Variants in LRRK1 observed in about 807,000 individuals in gnomAD.
LRRK1 encodes leucine rich repeat kinase 1.
A neutral mutation model predicts 209.1 loss-of-function variants in LRRK1; 113 were observed. The observed-to-expected ratio is 0.54, with a 90% CI of 0.46 to 0.63. The LOEUF (loss-of-function observed/expected upper bound fraction) is 0.63. Ranked by LOEUF, LRRK1 falls within the 30% of genes least tolerant of loss-of-function variation. The pLI is 0.00. For missense variants in LRRK1, 2,284 were observed against 2,632.2 expected, an observed-to-expected ratio of 0.87 and a Z score of 2.89; for synonymous variants, 1,144 against 1,099.7, an observed-to-expected ratio of 1.04 and a Z score of -0.80.
At position 101,065,384 on chromosome 15, in the gene LRRK1, T is replaced by C. The variant is rs1197586575; in HGVS notation, c.4947T>C (p.Asp1649=). ...ACCTGGTCTTAGCGGGCCTCGCCGA[T>C]GGGCTTGTGGCTGTGTTTCCCGTGG... is the stretch of plus-strand genomic sequence containing the variant. ...NSYLVLAGLA[D]GLVAVFPVVR... Residue 1649 remains aspartate, a synonymous_variant, in exon 32 of 34, where the codon GAT becomes GAC. Coordinates refer to ENST00000388948, the MANE Select transcript of LRRK1 (RefSeq NM_024652.6). 1 of 1,614,074 alleles carries C rather than the reference T, an allele frequency of 6.2e-7. No individual in the cohort carries two copies. The highest frequency in any genetic ancestry group is 8.5e-7 in the Non-Finnish European group (1 of 1,180,012).
intron 2 of LRRK1, among the ~76,000 whole-genome samples, chr15:100,956,455 C>CTTTTTTTTTTTTTTTT (rs776326423): frequency 3.3e-5 from 2 of 60,528 alleles, no homozygotes; most frequent in African/African-American, 1.7e-4. Context: ...TTTTTTTTTT[C>CTTTTTTTTTTTTTTTT]TTTTTTTTTT....
At chr15:100,984,174 C>G (rs754822418) in intron 4 of LRRK1, among the ~76,000 whole-genome samples, 1 of 152,086 alleles carries the variant, frequency 6.6e-6, no homozygotes, top group South Asian at 2.1e-4. Context: ...TGCTATATTT[C>G]AGAACCATGG....
At chr15:101,000,838 G>A (rs559039029) in intron 6 of LRRK1, among the ~76,000 whole-genome samples, 5 of 152,308 alleles carry the variant, frequency 3.3e-5, no homozygotes, top group East Asian at 1.9e-4. Context: ...AGTACGGGGC[G>A]TTAGGACTTC....
chr15:100,968,809 C>CCCCTT (rs1437458979), intron 2 of LRRK1, among the ~76,000 whole-genome samples: 1 of 144,072 alleles, frequency 6.9e-6, no homozygotes, highest in South Asian at 2.4e-4. Context: ...CCTTCCCCTT[C>CCCCTT]CCCTTCCCTT....
At chr15:101,014,030 T>C (rs1223244093) in intron 10 of LRRK1, among the ~76,000 whole-genome samples, 1 of 152,084 alleles carries the variant, frequency 6.6e-6, no homozygotes, top group Non-Finnish European at 1.5e-5. Context: ...CTCTTAAGAA[T>C]CCTTAATGCT....
rs188589267 is a variant in LRRK1, at chr15:100,966,900, C to T, written c.98-6904C>T. 2.6e-5 allele frequency among the ~76,000 whole-genome samples: 4 copies of T among 152,314 alleles called. No individual in the cohort carries two copies. The East Asian group carries it at 7.7e-4, about 29-fold the overall frequency. On this transcript the variant is annotated intron_variant, in intron 2 of 33. Coordinates refer to ENST00000388948, the MANE Select transcript of LRRK1 (RefSeq NM_024652.6). ...ATGGGCACCTTATGGCCTACATATG[C>T]CCTAAGTTCCACCTTCAAAATGTCC...
Position 101,052,077 on chromosome 15 carries a change from A to G in LRRK1, c.3689+117A>G, listed in dbSNP as rs1284721967. On this transcript the variant is annotated intron_variant, in intron 24 of 33. Transcript: ENST00000388948. ...TCTGGGGCGGGCAGGTGCCCCGGCC[A>G]TGGCTTCCCACCAATCTCAGTACCT... The G allele has an allele frequency of 5.1e-6, 6 of 1,187,218 alleles. No homozygotes were observed. In the African/African-American group the frequency reaches 7.7e-5, roughly 15 times the overall value. The allele number at this position is 1,187,218 out of a possible 1,614,324, so 73.5% of individuals were successfully genotyped here.
intron 2 of LRRK1, among the ~76,000 whole-genome samples, chr15:100,965,465 C>T (rs1000702035): frequency 6.6e-6 from 1 of 152,150 alleles, no homozygotes; most frequent in African/African-American, 2.4e-5. Context: ...CATCCATGGC[C>T]GGCACATTGA....
In LRRK1 at chr15:101,053,379, C is replaced by G. The variant is rs200335851; in HGVS notation, c.4013C>G (p.Pro1338Arg). The G allele has an allele frequency of 6.2e-7, 1 of 1,600,182 alleles. No individual in the cohort carries two copies. Among genetic ancestry groups the G allele is most frequent in the Non-Finnish European group, 8.5e-7 (1 of 1,179,608 alleles). The change falls in exon 26 of 34, where the codon CCG becomes CGG. Residue 1338 changes from proline to arginine, a missense_variant. By Grantham distance (103) the Pro-to-Arg change is moderately radical. Transcript: ENST00000388948. ...HPLCFALELA[P>R]LSSLNTVLSE... is the part of the protein sequence containing the mutation. ...CTCTGCTTCGCCCTGGAGCTCGCGC[C>G]GCTCAGCAGCCTCAACACCGTGCTG...
At chr15:100,979,010 C>G (rs1303330444) in intron 3 of LRRK1, among the ~76,000 whole-genome samples, 1 of 152,266 alleles carries the variant, frequency 6.6e-6, no homozygotes, top group East Asian at 1.9e-4. Context: ...TTAGCAAGTA[C>G]AATTCTGCTA....
intron 1 of LRRK1, among the ~76,000 whole-genome samples, chr15:100,923,336 A>T (rs1455429932): frequency 6.6e-6 from 1 of 152,190 alleles, no homozygotes; most frequent in East Asian, 1.9e-4. Flanking sequence ...TTTAACGTCC[A>T]CGCTATGCTT....
At chr15:100,965,752 G>A (rs763629019) in intron 2 of LRRK1, among the ~76,000 whole-genome samples, 43 of 151,488 alleles carry the variant, frequency 2.8e-4, no homozygotes, top group Non-Finnish European at 4.0e-4. Flanking sequence ...CCTTTACTTC[G>A]TTAAATACTT....
At chr15:100,930,653 AAG>A (rs1596157880) in intron 2 of LRRK1, among the ~76,000 whole-genome samples, 1 of 152,316 alleles carries the variant, frequency 6.6e-6, no homozygotes, top group East Asian at 1.9e-4. Flanking sequence ...TTCAGCCACC[AAG>A]AGAGAAGATT....
chr15:101,049,823 A>G (rs1177714195), intron 23 of LRRK1, 40 bp downstream of exon 23: 1 of 1,589,806 alleles, frequency 6.3e-7, no homozygotes, highest in South Asian at 1.1e-5. Flanking sequence ...ATTCATGCTA[A>G]TATTTCTTAT....
chr15:101,018,681 G>C (rs915783822), intron 12 of LRRK1, among the ~76,000 whole-genome samples: 16 of 152,332 alleles, frequency 1.1e-4, no homozygotes, highest in African/African-American at 3.6e-4. Flanking sequence ...ACAGCTGGCA[G>C]CCCGCAGAAG....
At position 100,989,302 on chromosome 15, in the gene LRRK1, C is replaced by A; in HGVS notation, c.666C>A (p.Ser222=). The change falls in exon 6 of 34, where the codon TCC becomes TCA. Residue 222 remains serine, a synonymous_variant. Transcript: ENST00000388948. ...TTCGGCATGGGGCCTATTTCTGTTC[C>A]TACATCTTGCTGGATAGTCCTGACC... ...FLLRHGAYFC[S]YILLDSPDPS... The A allele has an allele frequency of 6.2e-7, 1 of 1,614,076 alleles. No homozygotes were observed. Among genetic ancestry groups the A allele is most frequent in the Non-Finnish European group, 8.5e-7 (1 of 1,179,930 alleles).
In LRRK1 at chr15:101,010,496, C is replaced by T. The variant is rs1448546235; in HGVS notation, c.1036C>T (p.Pro346Ser). The T allele has an allele frequency of 1.9e-6, 3 of 1,612,506 alleles. No homozygotes were observed. Among genetic ancestry groups the T allele is most frequent in the Non-Finnish European group, 2.5e-6 (3 of 1,179,628 alleles). ...ISSNKLSHLP[P>S]GFLHLSKLQK... The stretch of plus-strand genomic sequence containing the variant: ...CAGCAACAAGTTGTCCCACCTCCCT[C>T]CTGGATTCTTGCACCTCTCAAAACT... Residue 346 changes from proline to serine, a missense_variant, in exon 8 of 34, where the codon CCT becomes TCT. By Grantham distance (74) the Pro-to-Ser change is moderately conservative. Transcript: ENST00000388948.
rs149947752 is a variant in LRRK1, at chr15:101,074,441, T to C, written c.*5593T>C. 439 of 152,274 alleles carry C rather than the reference T, an allele frequency of 2.9e-3. 1 individual carries two copies. Among genetic ancestry groups the C allele is most frequent in the African/African-American group, 8.8e-3 (366 of 41,542 alleles). The allele number at this position is 152,274 out of a possible 1,614,324, so 9.4% of individuals were successfully genotyped here. A position where few individuals can be genotyped will look rare whatever the true frequency, so the allele number is the denominator to read the frequency against. ...TTTCTTTATCCCAAATCAGATAGCG[T>C]TTAGGCTCTTTTTCATCAAATATAA... On this transcript the variant is annotated 3_prime_UTR_variant, in exon 34 of 34. Transcript: ENST00000388948.
intron 12 of LRRK1, among the ~76,000 whole-genome samples, chr15:101,015,839 A>G (rs1316908330): frequency 6.6e-6 from 1 of 152,142 alleles, no homozygotes; most frequent in African/African-American, 2.4e-5. Flanking sequence ...TCAGCAGCAG[A>G]CACTTATTTT....
Sources: gnomAD v4.1 joint callset for allele counts (sites outside exome capture counted in the v4.1 genomes callset) on GRCh38, gnomAD v4.1.1 for gene constraint, MANE v1.5 for transcripts, NCBI Gene and HGNC (gene_info 2026-07-23, HGNC 2026-07-21) for gene names.